SLC16A12: variants seen among roughly 807,000 people sequenced by gnomAD.
SLC16A12 encodes monocarboxylate transporter 12.
In SLC16A12, 17 loss-of-function variants were observed where a neutral mutation model predicts 42.4. The observed-to-expected ratio is 0.40, with a 90% CI of 0.27 to 0.60. The LOEUF (loss-of-function observed/expected upper bound fraction) is 0.60. SLC16A12 is among the 20% of genes least tolerant of loss of function. SLC16A12 has a pLI of 0.42. For synonymous variants in SLC16A12, 224 were observed against 229.4 expected (o/e 0.98, Z 0.21); for missense variants, 544 against 623.0 (o/e 0.87, Z 1.35).
chr10:89,458,008 A>G (rs1842225453), intron 3 of SLC16A12, among the ~76,000 whole-genome samples: 1 of 152,174 alleles, frequency 6.6e-6, no homozygotes, highest in Admixed American at 6.5e-5. Flanking sequence ...GCATGTGTGG[A>G]TGTCCTGGGT....
chr10:89,507,225 A>C (rs1431939573), intron 2 of SLC16A12, among the ~76,000 whole-genome samples: 1 of 152,160 alleles, frequency 6.6e-6, no homozygotes, highest in Non-Finnish European at 1.5e-5. Context: ...TACAGAGAAC[A>C]CCACAGAGAT....
chr10:89,468,157 G>A (rs1307136490), intron 2 of SLC16A12: 1 of 152,186 alleles, frequency 6.6e-6, no homozygotes, highest in African/African-American at 2.4e-5. Context: ...TGTGGTGATA[G>A]CACGATGAAC....
intron 2 of SLC16A12, among the ~76,000 whole-genome samples, chr10:89,554,626 T>C (rs1019019389): frequency 5.9e-5 from 9 of 152,226 alleles, no homozygotes; most frequent in Non-Finnish European, 8.8e-5. Context: ...CTGCTCTTTC[T>C]GTTTGTTGAC....
intron 2 of SLC16A12, among the ~76,000 whole-genome samples, chr10:89,466,848 T>C (rs770796543): frequency 1.5e-4 from 23 of 152,190 alleles, no homozygotes; most frequent in African/African-American, 5.3e-4. Flanking sequence ...AGTAAGATTT[T>C]CAACTTCTGC....
chr10:89,441,384 C>T, intron 4 of SLC16A12, 133 bp from the exon 5 acceptor site: 1 of 1,095,118 alleles, frequency 9.1e-7, no homozygotes, highest in Non-Finnish European at 1.3e-6. Flanking sequence ...GCTTTGGAAA[C>T]TGAGGCCCAG....
chr10:89,486,474 C>A (rs1842741943), intron 2 of SLC16A12, among the ~76,000 whole-genome samples: 1 of 150,794 alleles, frequency 6.6e-6, no homozygotes, highest in Non-Finnish European at 1.5e-5. Flanking sequence ...TGCCTGTAGT[C>A]CCAGCTACTC....
intron 2 of SLC16A12, among the ~76,000 whole-genome samples, chr10:89,548,970 G>A (rs1479557041): frequency 1.3e-5 from 2 of 152,190 alleles, no homozygotes; most frequent in African/African-American, 2.4e-5. Flanking sequence ...TAATGAGCAG[G>A]ACCTGCTCGC....
intron 2 of SLC16A12, among the ~76,000 whole-genome samples, chr10:89,530,515 T>C (rs112969710): frequency 0.04 from 6,107 of 152,014 alleles, 406 homozygotes; most frequent in African/African-American, 0.14. Flanking sequence ...CCTCCTGGGT[T>C]CATGCCATTC....
At chr10:89,437,493 T>C (rs1285380491) in intron 6 of SLC16A12, among the ~76,000 whole-genome samples, 2 of 151,992 alleles carry the variant, frequency 1.3e-5, no homozygotes, top group Non-Finnish European at 2.9e-5. Flanking sequence ...GGTCACAGGG[T>C]TAATAAGGAG....
intron 3 of SLC16A12, among the ~76,000 whole-genome samples, chr10:89,449,731 T>C (rs940690042): frequency 6.6e-6 from 1 of 152,066 alleles, no homozygotes; most frequent in African/African-American, 2.4e-5. Context: ...CCAAAAGCAA[T>C]GGCAACAAAA....
At chr10:89,450,856 C>G (rs1842084315) in intron 3 of SLC16A12, among the ~76,000 whole-genome samples, 1 of 152,100 alleles carries the variant, frequency 6.6e-6, no homozygotes, top group African/African-American at 2.4e-5. Flanking sequence ...CTTTATAGAG[C>G]ATTTTCAATT....
At chr10:89,531,586 T>C (rs368796588) in intron 2 of SLC16A12, among the ~76,000 whole-genome samples, 15 of 152,266 alleles carry the variant, frequency 9.9e-5, no homozygotes, top group African/African-American at 3.4e-4. Context: ...GAGGAGAGCA[T>C]TGGTTAATCC....
chr10:89,481,658 T>TGAGAGAGA (rs200446747), intron 2 of SLC16A12, among the ~76,000 whole-genome samples: 3 of 141,484 alleles, frequency 2.1e-5, no homozygotes, highest in African/African-American at 8.1e-5. Flanking sequence ...TGTGTGTGTG[T>TGAGAGAGA]GTGTGTGAGA....
chr10:89,510,993 T>C (rs945822710), intron 2 of SLC16A12, among the ~76,000 whole-genome samples: 3 of 152,328 alleles, frequency 2.0e-5, no homozygotes, highest in Middle Eastern at 3.4e-3. Flanking sequence ...TCATCATCAC[T>C]GGTCATTAGA....
chr10:89,489,110 C>A (rs146553038), intron 2 of SLC16A12, among the ~76,000 whole-genome samples: 1 of 152,110 alleles, frequency 6.6e-6, no homozygotes, highest in South Asian at 2.1e-4. Context: ...ATTGTTTTCA[C>A]GGCTCAATCA....
chr10:89,537,149 T>G (rs68092204), upstream of SLC16A12, among the ~76,000 whole-genome samples: 25,336 of 97,584 alleles, frequency 0.26, 2,968 homozygotes, highest in African/African-American at 0.51. Flanking sequence ...AGGTATGTTT[T>G]TTTTTTTTTT....
intron 3 of SLC16A12, among the ~76,000 whole-genome samples, chr10:89,449,860 C>T (rs531219856): frequency 6.6e-6 from 1 of 152,310 alleles, no homozygotes; most frequent in East Asian, 1.9e-4. Context: ...ATCCAGTCAT[C>T]TGACAAACGG....
chr10:89,486,666 A>C lies in SLC16A12; in HGVS notation c.-46-24042T>G, dbSNP rs553218016. 3.5e-3 allele frequency among the ~76,000 whole-genome samples: 399 copies of C among 113,108 alleles called. 14 individuals are homozygous for C. Among genetic ancestry groups the C allele is most frequent in the African/African-American group, 0.015 (373 of 24,190 alleles). The allele number at this position is 113,108 out of a possible 152,430, so 74.2% of individuals were successfully genotyped here. A position where few individuals can be genotyped will look rare whatever the true frequency, so the allele number is the denominator to read the frequency against. ...AAGAAAGAAAGAAAGAAAGAAAGAAAAGAAAGAAAGAAAGAAAAGAAAGAA... is the reference window on the plus strand; with the variant it reads ...AAGAAAGAAAGAAAGAAAGAAAGAACAGAAAGAAAGAAAGAAAAGAAAGAA... On this transcript the variant is annotated intron_variant, in intron 2 of 7. Transcript: ENST00000371790.
chr10:89,542,668 G>A (rs944068550), intron 2 of SLC16A12, among the ~76,000 whole-genome samples: 10 of 152,012 alleles, frequency 6.6e-5, no homozygotes, highest in East Asian at 3.8e-4. Context: ...CTCATCTTCC[G>A]TCATGCATGG....
Sources: gnomAD v4.1 joint callset for allele counts (sites outside exome capture counted in the v4.1 genomes callset) on GRCh38, gnomAD v4.1.1 for gene constraint, MANE v1.5 for transcripts, NCBI Gene and HGNC (gene_info 2026-07-23, HGNC 2026-07-21) for gene names.